Variants in KPNA3 observed in about 807,000 individuals in gnomAD.
The protein encoded by KPNA3 is importin subunit alpha-4.
In KPNA3, 13 loss-of-function variants were observed where a neutral mutation model predicts 73.8. The observed-to-expected ratio is 0.18, with a 90% CI of 0.11 to 0.28. The LOEUF (loss-of-function observed/expected upper bound fraction) is 0.28. Among genes scored for constraint, KPNA3 ranks in the 10% least tolerant of loss-of-function variants. KPNA3 has a pLI of 1.00. For synonymous variants in KPNA3, 186 were observed against 206.9 expected, an observed-to-expected ratio of 0.90 and a Z score of 0.87; for missense variants, 360 against 618.1, an observed-to-expected ratio of 0.58 and a Z score of 4.43.
intron 2 of KPNA3, among the ~76,000 whole-genome samples, chr13:49,746,495 G>C (rs2137568966): frequency 6.6e-6 from 1 of 152,164 alleles, no homozygotes; most frequent in Non-Finnish European, 1.5e-5. Flanking sequence ...AGAGAAAAAA[G>C]AAAACACAAT....
intron 1 of KPNA3, among the ~76,000 whole-genome samples, chr13:49,764,482 C>G (rs947891349): frequency 6.6e-6 from 1 of 151,992 alleles, no homozygotes. Context: ...AGCAGAAGAC[C>G]AGGCCTCATA....
intron 1 of KPNA3, among the ~76,000 whole-genome samples, chr13:49,782,031 T>C (rs1954945095): frequency 6.6e-6 from 1 of 152,102 alleles, no homozygotes. Flanking sequence ...ATCAATTAGG[T>C]CTCAGTATCA....
Position 49,765,222 on chromosome 13 carries a change from C to T in KPNA3, c.70-18229G>A, listed in dbSNP as rs542194526. On this transcript the variant is annotated intron_variant, in intron 1 of 16. Coordinates refer to ENST00000261667, the MANE Select transcript of KPNA3 (RefSeq NM_002267.4). Reference sequence around the variant, plus strand: ...TTCTGAATTGGGCAGTAATATGTAACTTTTCAATGTTATAAATAGAATACA... The same window carrying T: ...TTCTGAATTGGGCAGTAATATGTAATTTTTCAATGTTATAAATAGAATACA... 7.2e-5 allele frequency among the ~76,000 whole-genome samples: 11 copies of T among 152,226 alleles called. No individual in the cohort carries two copies. The East Asian group carries it at 2.1e-3, about 29-fold the overall frequency.
rs536000664 is a variant in KPNA3 at position 49,729,774 on chromosome 13, G to C, written c.383+2597C>G. ...CAGCCTGGGCAACAGAGCGAGACTC[G>C]GTCTCAAAAAAATAAATAAATAAAA... is the stretch of plus-strand genomic sequence containing the variant. On this transcript the variant is annotated intron_variant, in intron 6 of 16. Coordinates refer to ENST00000261667, the MANE Select transcript of KPNA3 (RefSeq NM_002267.4). 1.5e-4 allele frequency among the ~76,000 whole-genome samples: 23 copies of C among 151,792 alleles called. No homozygotes were observed. The East Asian group carries it at 3.9e-3, about 26-fold the overall frequency.
At chr13:49,704,029 A>C (rs1348647478) in intron 15 of KPNA3, among the ~76,000 whole-genome samples, 5 of 151,734 alleles carry the variant, frequency 3.3e-5, no homozygotes, top group Non-Finnish European at 7.4e-5. Context: ...TAATTATCTT[A>C]ATAGTAAGAA....
chr13:49,723,232 G>C (rs914377269), intron 7 of KPNA3, among the ~76,000 whole-genome samples: 6 of 152,102 alleles, frequency 3.9e-5, no homozygotes, highest in African/African-American at 1.4e-4. Context: ...ATACAGAGTT[G>C]TGAGGACATC....
intron 1 of KPNA3, among the ~76,000 whole-genome samples, chr13:49,766,397 A>C (rs1452832339): frequency 3.3e-5 from 5 of 152,156 alleles, no homozygotes; most frequent in Non-Finnish European, 7.4e-5. Flanking sequence ...TCTATTGCTG[A>C]ATTTCTTAGG....
At chr13:49,707,770 T>C (rs1414114761) in intron 12 of KPNA3, among the ~76,000 whole-genome samples, 1 of 152,074 alleles carries the variant, frequency 6.6e-6, no homozygotes, top group African/African-American at 2.4e-5. Context: ...TCTGAAAGTC[T>C]CTGGCTTCTT....
chr13:49,742,205 T>C (rs997360693), intron 2 of KPNA3, among the ~76,000 whole-genome samples: 1 of 152,156 alleles, frequency 6.6e-6, no homozygotes, highest in South Asian at 2.1e-4. Flanking sequence ...AACTACAAAT[T>C]TGTGGATTTA....
At chr13:49,783,523 C>T (rs907023209) in intron 1 of KPNA3, among the ~76,000 whole-genome samples, 1 of 152,240 alleles carries the variant, frequency 6.6e-6, no homozygotes, top group African/African-American at 2.4e-5. Context: ...TAAAATGGCA[C>T]AGTACAGTCA....
intron 10 of KPNA3, among the ~76,000 whole-genome samples, chr13:49,716,332 T>C (rs567181314): frequency 6.6e-6 from 1 of 152,328 alleles, no homozygotes; most frequent in South Asian, 2.1e-4. Context: ...AAAAAGGGTA[T>C]GTAGTTCTTT....
intron 2 of KPNA3, among the ~76,000 whole-genome samples, chr13:49,743,618 G>GTGAA (rs1187541585): frequency 6.6e-6 from 1 of 151,508 alleles, no homozygotes; most frequent in Non-Finnish European, 1.5e-5. Context: ...GGCAACTAAG[G>GTGAA]TGAATATTTA....
chr13:49,733,272 C>G (rs566030638), intron 2 of KPNA3, among the ~76,000 whole-genome samples: 1 of 148,378 alleles, frequency 6.7e-6, no homozygotes, highest in Non-Finnish European at 1.5e-5. Context: ...CATTAAGCAC[C>G]CACTGTGGTG....
intron 1 of KPNA3, among the ~76,000 whole-genome samples, chr13:49,765,214 A>G (rs1954799268): frequency 6.6e-6 from 1 of 152,226 alleles, no homozygotes; most frequent in Non-Finnish European, 1.5e-5. Flanking sequence ...TTGGGCAGTA[A>G]TATGTAACTT....
intron 1 of KPNA3, among the ~76,000 whole-genome samples, chr13:49,782,869 A>C (rs1405899302): frequency 6.6e-6 from 1 of 152,144 alleles, no homozygotes; most frequent in African/African-American, 2.4e-5. Flanking sequence ...CTCAAAGAAA[A>C]AAAAAAAGCT....
intron 6 of KPNA3, among the ~76,000 whole-genome samples, chr13:49,727,367 G>A (rs1446264374): frequency 6.7e-6 from 1 of 150,064 alleles, no homozygotes; most frequent in African/African-American, 2.5e-5. Flanking sequence ...AGAATCCCTT[G>A]AACCCAGGAG....
At chr13:49,784,952 A>C (rs1954970043) in intron 1 of KPNA3, among the ~76,000 whole-genome samples, 1 of 152,184 alleles carries the variant, frequency 6.6e-6, no homozygotes. Context: ...TTCTTCCAGG[A>C]GCAAAGAATG....
chr13:49,711,367 C>T (rs1594430731), intron 10 of KPNA3, among the ~76,000 whole-genome samples: 1 of 152,330 alleles, frequency 6.6e-6, no homozygotes, highest in South Asian at 2.1e-4. Context: ...CAGAAAAACA[C>T]TATTTACAAG....
chr13:49,788,870 T>A (rs1173154036), intron 1 of KPNA3, among the ~76,000 whole-genome samples: 2 of 152,022 alleles, frequency 1.3e-5, no homozygotes, highest in Non-Finnish European at 2.9e-5. Context: ...AATTACTCCC[T>A]CCCTTCCTCC....
Sources: allele counts gnomAD v4.1 joint callset (sites outside exome capture counted in the v4.1 genomes callset), GRCh38; gene constraint gnomAD v4.1.1; transcripts MANE v1.5; gene names NCBI Gene and HGNC (gene_info 2026-07-23, HGNC 2026-07-21).